The following TECTB variants were observed in gnomAD, a reference collection of about 807,000 sequenced individuals.
The protein encoded by TECTB is beta-tectorin.
Under a neutral mutation model 43.3 loss-of-function variants are expected in TECTB, and 45 were observed. That is an observed-to-expected ratio of 1.04 (90% confidence interval 0.82 to 1.33). The LOEUF (loss-of-function observed/expected upper bound fraction) is 1.33, where lower values mean the gene tolerates loss of function less well. Ranked by LOEUF, TECTB falls within the 40% of genes most tolerant of loss-of-function variation. TECTB has a pLI of 0.00. For synonymous variants in TECTB, 169 were observed against 156.7 expected (o/e 1.08, Z -0.59); for missense variants, 399 against 404.7 (o/e 0.99, Z 0.12).
Position 112,284,708 on chromosome 10 carries a change from T to G in TECTB, c.250T>G (p.Cys84Gly), listed in dbSNP as rs776194870. 6.2e-7 allele frequency: 1 copy of G among 1,602,484 alleles called. No homozygotes were observed. The highest frequency in any genetic ancestry group is 8.5e-7 in the Non-Finnish European group (1 of 1,173,786). Residue 84 changes from cysteine to glycine, a missense_variant, in exon 3 of 11, where the codon TGT becomes GGT. Coordinates refer to ENST00000646139, the MANE Select transcript of TECTB (RefSeq NM_058222.3). ...PDLSPKNKSY[C>G]GTQSEYKPPI... ...TTTATCACCTAAAAACAAGTCCTATTGTGGAACCCAGTCTGAGGTAAGACC... is the reference window on the plus strand; with the variant it reads ...TTTATCACCTAAAAACAAGTCCTATGGTGGAACCCAGTCTGAGGTAAGACC...
chr10:112,290,482 G>A lies in TECTB; in HGVS notation c.484-3256G>A, dbSNP rs530173062. On this transcript the variant is annotated intron_variant, in intron 5 of 10. Coordinates refer to ENST00000646139, the MANE Select transcript of TECTB (RefSeq NM_058222.3). ...GTTCTATTTCAGAAACTGAATTAAC[G>A]GTGTCAGCTCTGTTCTTCACTTTGT... Among the ~76,000 whole-genome samples, 6 of 152,244 alleles carry A rather than the reference G, an allele frequency of 3.9e-5. No individual in the cohort carries two copies. The East Asian group carries it at 7.7e-4, about 20-fold the overall frequency.
intron 2 of TECTB, 80 bp from the exon 3 acceptor site, chr10:112,284,455 G>A (rs1848437970): frequency 1.5e-6 from 2 of 1,369,900 alleles, no homozygotes; most frequent in Non-Finnish European, 1.9e-6. Context: ...ATGCTCAGGT[G>A]TAGCTGGAAT....
In TECTB at chr10:112,286,181, C is replaced by T. The variant is rs1055363289; in HGVS notation, c.378C>T (p.Thr126=). The change falls in exon 4 of 11, where the codon ACC becomes ACT. Residue 126 remains threonine (T), a synonymous_variant. Coordinates refer to ENST00000646139, the MANE Select transcript of TECTB (RefSeq NM_058222.3). ...CCTTCTCCTGCACCTACCACTCCAC[C>T]TACTTGGTGAACCAGGCTGCCTTTG... The part of the protein sequence containing the change: ...NYSFSCTYHS[T]YLVNQAAFDQ... The T allele has an allele frequency of 1.2e-6, 2 of 1,614,188 alleles. No homozygotes were observed. Among genetic ancestry groups the T allele is most frequent in the Admixed American group, 1.7e-5 (1 of 60,028 alleles).
At chr10:112,299,928 C>G (rs1376734808) in intron 9 of TECTB, among the ~76,000 whole-genome samples, 1 of 151,542 alleles carries the variant, frequency 6.6e-6, no homozygotes, top group East Asian at 1.9e-4. Context: ...TTTGGGAGGC[C>G]GAGGTGGGCA....
intron 5 of TECTB, 48 bp from the exon 6 acceptor site, chr10:112,293,690 T>C: frequency 6.4e-7 from 1 of 1,550,792 alleles, no homozygotes; most frequent in South Asian, 1.1e-5. Context: ...TAGACCTAGC[T>C]GCTCAATCTG....
At chr10:112,289,351 G>GA (rs1352651722) in intron 5 of TECTB, among the ~76,000 whole-genome samples, 1 of 152,060 alleles carries the variant, frequency 6.6e-6, no homozygotes, top group Non-Finnish European at 1.5e-5. Flanking sequence ...GCTTAAGACG[G>GA]AAAAAATGCA....
intron 5 of TECTB, among the ~76,000 whole-genome samples, chr10:112,291,136 C>G (rs1848495627): frequency 6.6e-6 from 1 of 152,092 alleles, no homozygotes; most frequent in Non-Finnish European, 1.5e-5. Flanking sequence ...AGCTATTTTT[C>G]CAAATGCTCT....
chr10:112,299,687 C>T, intron 9 of TECTB, 123 bp downstream of exon 9: 2 of 998,440 alleles, frequency 2.0e-6, no homozygotes, highest in Non-Finnish European at 3.0e-6. Flanking sequence ...GTGGGCACAA[C>T]CTTCACCTGC....
In TECTB at chr10:112,303,427, G is replaced by T; in HGVS notation, c.*115G>T. ...GAAGACCACATTGTTGGGGGGCAGA[G>T]AATAGCACTTTGCCAAATATGCACT... On this transcript the variant is annotated 3_prime_UTR_variant, in exon 11 of 11. Coordinates refer to ENST00000646139, the MANE Select transcript of TECTB (RefSeq NM_058222.3). 1 of 1,334,210 alleles carries T rather than the reference G, an allele frequency of 7.5e-7. No individual in the cohort carries two copies. Among genetic ancestry groups the T allele is most frequent in the South Asian group, 1.2e-5 (1 of 81,014 alleles). 82.6% of individuals were successfully genotyped at this position (1,334,210 alleles called of 1,614,324 possible).
intron 5 of TECTB, among the ~76,000 whole-genome samples, chr10:112,287,543 C>T (rs377076753): frequency 6.6e-6 from 1 of 152,234 alleles, no homozygotes; most frequent in East Asian, 1.9e-4. Context: ...AAACATCGTA[C>T]TACCTCTAAC....
intron 5 of TECTB, among the ~76,000 whole-genome samples, chr10:112,287,441 G>A (rs751920961): frequency 2.0e-5 from 3 of 152,246 alleles, no homozygotes; most frequent in Non-Finnish European, 4.4e-5. Context: ...AAAGGAAGAT[G>A]TGGGCAGAAA....
intron 6 of TECTB, 28 bp from the exon 7 acceptor site, chr10:112,293,950 A>C: frequency 1.2e-6 from 2 of 1,613,340 alleles, no homozygotes; most frequent in African/African-American, 2.7e-5. Flanking sequence ...CTCTGTTTCA[A>C]AGTGATGCCA....
intron 5 of TECTB, among the ~76,000 whole-genome samples, chr10:112,291,277 T>C (rs1051464204): frequency 2.6e-5 from 4 of 152,086 alleles, no homozygotes; most frequent in Non-Finnish European, 5.9e-5. Context: ...GTGCTGAGGA[T>C]AATGGCTTCC....
At position 112,304,225 on chromosome 10, in the gene TECTB, C is replaced by G. The variant is rs1387132534; in HGVS notation, c.*913C>G. 2 of 152,192 alleles carry G rather than the reference C, an allele frequency of 1.3e-5. No homozygotes were observed. The highest frequency in any genetic ancestry group is 4.8e-5 in the African/African-American group (2 of 41,460). 9.4% of individuals were successfully genotyped at this position (152,192 alleles called of 1,614,324 possible). A position where few individuals can be genotyped will look rare whatever the true frequency, so the allele number is the denominator to read the frequency against. ...CTTGTGACACTCAATGCTATTTTTT[C>G]TCTATTTGCTCTACTAAGAAGTTTT... On this transcript the variant is annotated 3_prime_UTR_variant, in exon 11 of 11. Coordinates refer to ENST00000646139, the MANE Select transcript of TECTB (RefSeq NM_058222.3).
At chr10:112,291,779 A>G (rs1848501203) in intron 5 of TECTB, among the ~76,000 whole-genome samples, 1 of 152,178 alleles carries the variant, frequency 6.6e-6, no homozygotes, top group African/African-American at 2.4e-5. Flanking sequence ...GTCCCAAGTT[A>G]GCGGTGGAAG....
intron 5 of TECTB, among the ~76,000 whole-genome samples, chr10:112,287,042 A>G (rs573379610): frequency 1.2e-4 from 18 of 152,278 alleles, no homozygotes; most frequent in Admixed American, 3.9e-4. Flanking sequence ...CCAATGTCTG[A>G]CTCTTAGTCA....
intron 3 of TECTB, 75 bp downstream of exon 3, chr10:112,284,800 G>A: frequency 7.8e-7 from 1 of 1,280,670 alleles, no homozygotes; most frequent in Non-Finnish European, 1.0e-6. Flanking sequence ...TCTGCCATCT[G>A]TCCTTGAAAG....
At chr10:112,293,370 G>A (rs961505211) in intron 5 of TECTB, among the ~76,000 whole-genome samples, 20 of 152,220 alleles carry the variant, frequency 1.3e-4, no homozygotes, top group African/African-American at 4.8e-4. Flanking sequence ...GGGCAGAGGC[G>A]GGTGTTGTAT....
chr10:112,302,176 G>A (rs1330864574), intron 10 of TECTB, 43 bp downstream of exon 10: 3 of 1,604,942 alleles, frequency 1.9e-6, no homozygotes, highest in East Asian at 2.2e-5. Flanking sequence ...GGGCTATGCT[G>A]TTAAAAGGCA....
Sources: allele counts gnomAD v4.1 joint callset (sites outside exome capture counted in the v4.1 genomes callset), GRCh38; gene constraint gnomAD v4.1.1; transcripts MANE v1.5; gene names NCBI Gene and HGNC (gene_info 2026-07-23, HGNC 2026-07-21).